RBAK: variants seen among roughly 807,000 people sequenced by gnomAD.
RBAK encodes the protein RB-associated KRAB zinc finger protein.
In RBAK, 39 loss-of-function variants were observed where a neutral mutation model predicts 65.8. The observed-to-expected ratio is 0.59, with a 90% CI of 0.46 to 0.77. The LOEUF (loss-of-function observed/expected upper bound fraction) is 0.77. Ranked by LOEUF, RBAK falls within the 30% of genes least tolerant of loss-of-function variation. The pLI is 0.00. For missense variants in RBAK, 884 were observed against 855.1 expected, an observed-to-expected ratio of 1.03 and a Z score of -0.42; for synonymous variants, 343 against 289.7, an observed-to-expected ratio of 1.18 and a Z score of -1.87.
rs529821788 is a variant in RBAK at position 5,045,903 on chromosome 7, A to T, written c.-538A>T. On this transcript the variant is annotated 5_prime_UTR_variant, in exon 1 of 5. Transcript: ENST00000396912. ...GCGTCCTCAGGTCACCGCTTGCTCT[A>T]GTTCCCAGGCTTTGGCCTCCAGTGG... 5.7e-6 allele frequency: 2 copies of T among 348,562 alleles called. No homozygotes were observed. Among genetic ancestry groups the T allele is most frequent in the Non-Finnish European group, 1.1e-5 (2 of 183,082 alleles). The allele number at this position is 348,562 out of a possible 1,614,324, so 21.6% of individuals were successfully genotyped here. A position where few individuals can be genotyped will look rare whatever the true frequency, so the allele number is the denominator to read the frequency against.
intron 2 of RBAK, among the ~76,000 whole-genome samples, chr7:5,056,822 A>C (rs2115035336): frequency 6.6e-6 from 1 of 152,230 alleles, no homozygotes; most frequent in South Asian, 2.1e-4. Flanking sequence ...CCAGGAGCTG[A>C]GTGGTGGGCA....
In RBAK at chr7:5,063,943, G is replaced by A; in HGVS notation, c.487G>A (p.Asp163Asn). Residue 163 changes from aspartate (D) to asparagine (N), a missense_variant, in exon 5 of 5, where the codon GAT (aspartate) becomes AAT (asparagine). Physicochemically the swap from Asp to Asn is conservative, Grantham distance 23 (BLOSUM62 1). Transcript: ENST00000396912. ...TGGAAGCTATGCTAGGACAAAACCT[G>A]ATGAGTGTAATGAATGTGGGAAAAC... ...SDGSYARTKP[D>N]ECNECGKTYH... The A allele has an allele frequency of 6.2e-7, 1 of 1,614,044 alleles. No individual in the cohort carries two copies.
chr7:5,065,684 G>C lies in RBAK; in HGVS notation c.*83G>C, dbSNP rs1302625200. The C allele has an allele frequency of 9.4e-7, 1 of 1,068,978 alleles. No individual in the cohort carries two copies. The highest frequency in any genetic ancestry group is 1.6e-5 in the African/African-American group (1 of 62,268). 66.2% of individuals were successfully genotyped at this position (1,068,978 alleles called of 1,614,324 possible). ...AGGAAGTCAAAGCGTTTATCTGAGA[G>C]TTCGTGTTCCTGAACGGTGAGAAGC... On this transcript the variant is annotated 3_prime_UTR_variant, in exon 5 of 5. Transcript: ENST00000396912. The surrounding 1 kb of genome is among the most constrained non-coding windows in gnomAD (Gnocchi z 5.3).
Position 5,065,350 on chromosome 7 carries a change from T to G in RBAK, c.1894T>G (p.Phe632Val). The change falls in exon 5 of 5, where the codon TTC becomes GTC. Residue 632 changes from phenylalanine to valine, a missense_variant. Physicochemically the swap from Phe to Val is conservative, Grantham distance 50 (BLOSUM62 -1). Coordinates refer to ENST00000396912, the MANE Select transcript of RBAK (RefSeq NM_021163.4). This position sits in a 1 kb window ranked among gnomAD's most constrained non-coding sequence, Gnocchi z 5.3. ...PYECSKCGKV[F>V]SRMSNLTVHY... ...TGAATGTAGTAAATGTGGAAAAGTCTTCTCTCGGATGTCAAACCTCACTGT... is the reference window on the plus strand; with the variant it reads ...TGAATGTAGTAAATGTGGAAAAGTCGTCTCTCGGATGTCAAACCTCACTGT... 6.2e-7 allele frequency: 1 copy of G among 1,613,726 alleles called. No homozygotes were observed. The highest frequency in any genetic ancestry group is 8.5e-7 in the Non-Finnish European group (1 of 1,179,810).
rs991608706 is a variant in RBAK, at chr7:5,046,320, C to T, written c.-121C>T. On this transcript the variant is annotated 5_prime_UTR_variant, in exon 1 of 5. Transcript: ENST00000396912. ...GGTGGACAGGAGGGGACCTCGCGAGCAGACGCGCGCCAGCGACAGCAGCCC... is the reference window on the plus strand; with the variant it reads ...GGTGGACAGGAGGGGACCTCGCGAGTAGACGCGCGCCAGCGACAGCAGCCC... The T allele has an allele frequency of 1.9e-6, 1 of 515,922 alleles. No homozygotes were observed. The highest frequency in any genetic ancestry group is 3.9e-6 in the Non-Finnish European group (1 of 259,426). The allele number at this position is 515,922 out of a possible 1,614,324, so 32.0% of individuals were successfully genotyped here.
chr7:5,049,662 G>A (rs552837647), intron 2 of RBAK, among the ~76,000 whole-genome samples: 3 of 152,036 alleles, frequency 2.0e-5, no homozygotes, highest in Admixed American at 6.5e-5. Context: ...AAAAAGATTC[G>A]TCTGTAAGTA....
Position 5,066,960 on chromosome 7 carries a change from G to A in RBAK, c.*1359G>A, listed in dbSNP as rs1243887485. On this transcript the variant is annotated 3_prime_UTR_variant, in exon 5 of 5. Transcript: ENST00000396912. ...AGTCAGTTGCTATTATACACCACCT[G>A]TAGAAAAGTAATCTGGCATGCAGAA... The A allele has an allele frequency of 6.6e-6, 1 of 152,164 alleles. No homozygotes were observed. The highest frequency in any genetic ancestry group is 2.4e-5 in the African/African-American group (1 of 41,438). 9.4% of individuals were successfully genotyped at this position (152,164 alleles called of 1,614,324 possible).
chr7:5,056,397 C>A (rs1788233453), intron 2 of RBAK, among the ~76,000 whole-genome samples: 1 of 152,018 alleles, frequency 6.6e-6, no homozygotes, highest in Non-Finnish European at 1.5e-5. Flanking sequence ...GGATTATAGG[C>A]ATGAGCCACC....
chr7:5,055,431 A>G (rs189898441), intron 2 of RBAK, among the ~76,000 whole-genome samples: 65 of 152,278 alleles, frequency 4.3e-4, no homozygotes, highest in Non-Finnish European at 7.2e-4. Context: ...TGAAGTATCC[A>G]TCAGTTTCTA....
chr7:5,065,352 C>T lies in RBAK; in HGVS notation c.1896C>T (p.Phe632=). The T allele has an allele frequency of 2.5e-6, 4 of 1,613,640 alleles. No homozygotes were observed. The highest frequency in any genetic ancestry group is 1.1e-5 in the South Asian group (1 of 91,032). Residue 632 remains phenylalanine, a synonymous_variant, in exon 5 of 5, where the codon TTC becomes TTT. Transcript: ENST00000396912. The surrounding 1 kb of genome is among the most constrained non-coding windows in gnomAD (Gnocchi z 5.3). ...PYECSKCGKV[F]SRMSNLTVHY... is the part of the protein sequence containing the mutation. ...AATGTAGTAAATGTGGAAAAGTCTTCTCTCGGATGTCAAACCTCACTGTCC... is the reference window on the plus strand; with the variant it reads ...AATGTAGTAAATGTGGAAAAGTCTTTTCTCGGATGTCAAACCTCACTGTCC...
intron 2 of RBAK, among the ~76,000 whole-genome samples, chr7:5,055,652 T>G (rs1392576357): frequency 6.6e-6 from 1 of 152,250 alleles, no homozygotes; most frequent in African/African-American, 2.4e-5. Flanking sequence ...TGTTTGATTA[T>G]GTTTCATTTT....
Position 5,067,741 on chromosome 7 carries a change from T to G in RBAK, c.*2140T>G, listed in dbSNP as rs957153656. Reference sequence around the variant, plus strand: ...TTGGCACAAGGATGAAAAAACTGACTAGTGGAACAGCATACAGATTCAAAA... The same window carrying G: ...TTGGCACAAGGATGAAAAAACTGACGAGTGGAACAGCATACAGATTCAAAA... On this transcript the variant is annotated 3_prime_UTR_variant, in exon 5 of 5. Transcript: ENST00000396912. 6.6e-6 allele frequency: 1 copy of G among 152,166 alleles called. No individual in the cohort carries two copies. Among genetic ancestry groups the G allele is most frequent in the African/African-American group, 2.4e-5 (1 of 41,450 alleles). 9.4% of individuals were successfully genotyped at this position (152,166 alleles called of 1,614,324 possible). A position where few individuals can be genotyped will look rare whatever the true frequency, so the allele number is the denominator to read the frequency against.
At position 5,059,419 on chromosome 7, in the gene RBAK, C is replaced by G. The variant is rs553323742; in HGVS notation, c.238+1640C>G. 8.5e-4 allele frequency among the ~76,000 whole-genome samples: 129 copies of G among 152,164 alleles called. 1 individual carries two copies. Among genetic ancestry groups the G allele is most frequent in the African/African-American group, 3.0e-3 (123 of 41,520 alleles). On this transcript the variant is annotated intron_variant, in intron 4 of 4. Coordinates refer to ENST00000396912, the MANE Select transcript of RBAK (RefSeq NM_021163.4). ...CACTGCAGCCTCCCCCTCCCAGGTT[C>G]AAGCGATTCCCCTGCCTCAGCCTCC...
Position 5,068,507 on chromosome 7 carries a change from T to A in RBAK, c.*2906T>A, listed in dbSNP as rs1051740426. ...TATTAGTAATCAGGGAAATGCAAACTTAAAACATGTAGCACTGCTACCCAT... is the reference window on the plus strand; with the variant it reads ...TATTAGTAATCAGGGAAATGCAAACATAAAACATGTAGCACTGCTACCCAT... On this transcript the variant is annotated 3_prime_UTR_variant, in exon 5 of 5. Transcript: ENST00000396912. The A allele has an allele frequency of 6.6e-6, 1 of 152,172 alleles. No homozygotes were observed. Among genetic ancestry groups the A allele is most frequent in the Non-Finnish European group, 1.5e-5 (1 of 68,032 alleles). The allele number at this position is 152,172 out of a possible 1,614,324, so 9.4% of individuals were successfully genotyped here. A position where few individuals can be genotyped will look rare whatever the true frequency, so the allele number is the denominator to read the frequency against.
chr7:5,059,986 T>G (rs892762724), intron 4 of RBAK, among the ~76,000 whole-genome samples: 2 of 152,182 alleles, frequency 1.3e-5, no homozygotes, highest in African/African-American at 4.8e-5. Context: ...GCTCTATGAG[T>G]ATATGCTCTG....
At chr7:5,057,582 G>C in intron 3 of RBAK, 102 bp from the exon 4 acceptor site, 1 of 1,586,260 alleles carries the variant, frequency 6.3e-7, no homozygotes, top group South Asian at 1.2e-5. Context: ...GTAAAAAATG[G>C]AGCACTTCTG....
chr7:5,046,331 C>G lies in RBAK; in HGVS notation c.-110C>G. 3.9e-6 allele frequency: 2 copies of G among 515,422 alleles called. No homozygotes were observed. The allele number at this position is 515,422 out of a possible 1,614,324, so 31.9% of individuals were successfully genotyped here. On this transcript the variant is annotated 5_prime_UTR_variant, in exon 1 of 5. Coordinates refer to ENST00000396912, the MANE Select transcript of RBAK (RefSeq NM_021163.4). ...GGGGACCTCGCGAGCAGACGCGCGC[C>G]AGCGACAGCAGCCCCGCCCCGGCCT...
intron 4 of RBAK, among the ~76,000 whole-genome samples, chr7:5,058,413 A>G (rs1778981819): frequency 6.6e-6 from 1 of 152,178 alleles, no homozygotes; most frequent in South Asian, 2.1e-4. Flanking sequence ...GTCTGACATA[A>G]AAATCAACTT....
chr7:5,049,110 A>C (rs772030029), intron 2 of RBAK, among the ~76,000 whole-genome samples: 7 of 152,250 alleles, frequency 4.6e-5, no homozygotes, highest in African/African-American at 1.7e-4. Flanking sequence ...GTGGATTTAA[A>C]AGATTTTCTA....
Sources: gnomAD v4.1 joint callset for allele counts (sites outside exome capture counted in the v4.1 genomes callset) on GRCh38, gnomAD v4.1.1 for gene constraint, Gnocchi (gnomAD v3.1) non-coding constraint, MANE v1.5 for transcripts, NCBI Gene and HGNC (gene_info 2026-07-23, HGNC 2026-07-21) for gene names.